GABRG3: variants seen among roughly 807,000 people sequenced by gnomAD.
The protein encoded by GABRG3 is gamma-aminobutyric acid type A receptor subunit gamma3.
A neutral mutation model predicts 48.8 loss-of-function variants in GABRG3; 25 were observed. The ratio of observed to expected loss-of-function variants is 0.51; its 90% CI spans 0.37 to 0.72. The LOEUF (loss-of-function observed/expected upper bound fraction) is 0.72. GABRG3 is among the 30% of genes least tolerant of loss of function. The pLI, the probability that GABRG3 is intolerant of heterozygous loss-of-function variation, is 0.00. For missense variants in GABRG3, 394 were observed against 577.9 expected, an observed-to-expected ratio of 0.68 and a Z score of 3.26; for synonymous variants, 227 against 217.6, an observed-to-expected ratio of 1.04 and a Z score of -0.38.
At chr15:27,307,379 A>ATG (rs763735094) in intron 3 of GABRG3, among the ~76,000 whole-genome samples, 3,582 of 21,748 alleles carry the variant, frequency 0.16, 426 homozygotes, top group African/African-American at 0.19. Context: ...AGGTTTATAT[A>ATG]TTTATATATA....
At chr15:27,117,375 A>G (rs556164457) in intron 3 of GABRG3, among the ~76,000 whole-genome samples, 1 of 152,106 alleles carries the variant, frequency 6.6e-6, no homozygotes, top group South Asian at 2.1e-4. Context: ...TTAGGTGCAG[A>G]TACTAGCAGA....
At chr15:27,403,164 T>G (rs1318527492) in intron 5 of GABRG3, among the ~76,000 whole-genome samples, 1 of 151,784 alleles carries the variant, frequency 6.6e-6, no homozygotes, top group East Asian at 1.9e-4. Context: ...TTAAGAACTT[T>G]GAAGAGAGAA....
chr15:27,414,470 G>A (rs1239172603), intron 5 of GABRG3, among the ~76,000 whole-genome samples: 3 of 152,092 alleles, frequency 2.0e-5, no homozygotes, highest in Non-Finnish European at 4.4e-5. Context: ...GCTTTAAGTG[G>A]GAAGGTCCTG....
intron 2 of GABRG3, among the ~76,000 whole-genome samples, chr15:27,008,002 A>G (rs1400595793): frequency 1.3e-5 from 2 of 152,104 alleles, no homozygotes; most frequent in Non-Finnish European, 2.9e-5. Flanking sequence ...TCTACTGTCC[A>G]TCTTCTCTTT....
intron 5 of GABRG3, among the ~76,000 whole-genome samples, chr15:27,407,276 C>G (rs1484788518): frequency 6.6e-6 from 1 of 152,134 alleles, no homozygotes; most frequent in Non-Finnish European, 1.5e-5. Flanking sequence ...TACTACACAC[C>G]TACTGGAATG....
intron 5 of GABRG3, among the ~76,000 whole-genome samples, chr15:27,388,364 GGAA>G (rs1896103206): frequency 2.0e-5 from 1 of 49,286 alleles, no homozygotes; most frequent in East Asian, 1.0e-3. Context: ...AAGGAAGGAA[GGAA>G]GAAAGGAAGG....
intron 2 of GABRG3, among the ~76,000 whole-genome samples, chr15:27,022,226 G>T (rs1206030494): frequency 6.6e-6 from 1 of 152,200 alleles, no homozygotes; most frequent in African/African-American, 2.4e-5. Context: ...GTTTTGAGAA[G>T]CCAGCTCAAT....
chr15:27,436,492 G>A (rs1471242490), intron 5 of GABRG3, among the ~76,000 whole-genome samples: 1 of 152,214 alleles, frequency 6.6e-6, no homozygotes, highest in East Asian at 1.9e-4. Context: ...CACCGGACAT[G>A]TACAGTTACC....
intron 3 of GABRG3, among the ~76,000 whole-genome samples, chr15:27,186,633 A>AATATT (rs1888106944): frequency 6.6e-6 from 1 of 152,112 alleles, no homozygotes; most frequent in Non-Finnish European, 1.5e-5. Flanking sequence ...TTTCACCAAC[A>AATATT]ATATTCCCTT....
At chr15:27,348,042 C>T (rs1374920945) in intron 5 of GABRG3, among the ~76,000 whole-genome samples, 1 of 151,142 alleles carries the variant, frequency 6.6e-6, no homozygotes, top group East Asian at 1.9e-4. Flanking sequence ...TTGCATATGC[C>T]ACTTCAGTCA....
At chr15:27,277,362 C>T (rs1891290444) in intron 3 of GABRG3, among the ~76,000 whole-genome samples, 1 of 152,180 alleles carries the variant, frequency 6.6e-6, no homozygotes, top group Non-Finnish European at 1.5e-5. Context: ...TCATTGTTTA[C>T]CTGCTCCCTA....
chr15:27,467,497 C>T (rs193012553), intron 5 of GABRG3, among the ~76,000 whole-genome samples: 180 of 152,320 alleles, frequency 1.2e-3, no homozygotes, highest in South Asian at 2.1e-3. Context: ...TTAATGGGAT[C>T]GTAGTCTTAC....
intron 2 of GABRG3, among the ~76,000 whole-genome samples, chr15:27,017,820 A>G (rs1168280929): frequency 3.3e-5 from 5 of 152,152 alleles, no homozygotes; most frequent in Non-Finnish European, 5.9e-5. Context: ...CAGTAGCTTC[A>G]CATGGAAAGT....
intron 5 of GABRG3, among the ~76,000 whole-genome samples, chr15:27,367,520 T>G (rs998548605): frequency 4.6e-5 from 7 of 152,170 alleles, no homozygotes; most frequent in African/African-American, 1.7e-4. Context: ...GAGTCTACAA[T>G]TTTACAATTC....
intron 3 of GABRG3, among the ~76,000 whole-genome samples, chr15:27,136,991 G>A (rs1898020167): frequency 6.6e-6 from 1 of 152,136 alleles, no homozygotes; most frequent in South Asian, 2.1e-4. Context: ...GGATGGATGA[G>A]ATGCTTCCTT....
intron 5 of GABRG3, among the ~76,000 whole-genome samples, chr15:27,380,275 T>A: frequency 6.6e-6 from 1 of 152,154 alleles, no homozygotes; most frequent in Admixed American, 6.5e-5. Context: ...ATTATCCATC[T>A]GTTTTTACAT....
rs140120705 is a variant in GABRG3, at chr15:27,274,922, C to T, written c.271-51887C>T. Among the ~76,000 whole-genome samples, 3 of 152,150 alleles carry T rather than the reference C, an allele frequency of 2.0e-5. 1 individual carries two copies. In the East Asian group the frequency reaches 5.8e-4, roughly 29 times the overall value. On this transcript the variant is annotated intron_variant, in intron 3 of 9. Transcript: ENST00000615808. The stretch of plus-strand genomic sequence containing the variant: ...AGATTTTTTTAATTTAAATATTGTG[C>T]ATTTTCCACCAGTTCTTAAGTTAGT...
chr15:27,343,885 T>C (rs1249214079), intron 5 of GABRG3, among the ~76,000 whole-genome samples: 1 of 152,216 alleles, frequency 6.6e-6, no homozygotes, highest in Non-Finnish European at 1.5e-5. Flanking sequence ...ACTTGGGTAA[T>C]GTTTAAATGT....
At position 27,535,553 on chromosome 15, in the gene GABRG3, A is replaced by G. The variant is rs1025713882; in HGVS notation, c.*2672A>G. ...AGAACCTTCATCTCAAGAAAGTCCAATGGATTTCACTAACTGAGCATCATA... is the reference window on the plus strand; with the variant it reads ...AGAACCTTCATCTCAAGAAAGTCCAGTGGATTTCACTAACTGAGCATCATA... On this transcript the variant is annotated 3_prime_UTR_variant, in exon 10 of 10. Transcript: ENST00000615808. 2.0e-5 allele frequency: 3 copies of G among 152,298 alleles called. No individual in the cohort carries two copies. The highest frequency in any genetic ancestry group is 4.8e-5 in the African/African-American group (2 of 41,570). 9.4% of individuals were successfully genotyped at this position (152,298 alleles called of 1,614,324 possible).
Sources: allele counts gnomAD v4.1 joint callset (sites outside exome capture counted in the v4.1 genomes callset), GRCh38; gene constraint gnomAD v4.1.1; transcripts MANE v1.5; gene names NCBI Gene and HGNC (gene_info 2026-07-23, HGNC 2026-07-21).